MAP3K9: variants seen among roughly 807,000 people sequenced by gnomAD.
The protein encoded by MAP3K9 is mitogen-activated protein kinase kinase kinase 9.
A neutral mutation model predicts 95.8 loss-of-function variants in MAP3K9; 46 were observed. That is an observed-to-expected ratio of 0.48 (90% CI 0.38 to 0.61). MAP3K9 has a LOEUF of 0.61. Among genes scored for constraint, MAP3K9 ranks in the 20% least tolerant of loss-of-function variants. The pLI, the probability that MAP3K9 is intolerant of heterozygous loss-of-function variation, is 0.00. For missense variants in MAP3K9, 1,296 were observed against 1,474.3 expected, an observed-to-expected ratio of 0.88 and a Z score of 1.98; for synonymous variants, 533 against 593.8, an observed-to-expected ratio of 0.90 and a Z score of 1.49.
intron 2 of MAP3K9, among the ~76,000 whole-genome samples, chr14:70,772,463 GC>G (rs765572918): frequency 2.7e-4 from 41 of 152,114 alleles, no homozygotes; most frequent in Non-Finnish European, 5.0e-4. Flanking sequence ...CCCTTTCTAT[GC>G]CTATAACCTG....
intron 3 of MAP3K9, among the ~76,000 whole-genome samples, chr14:70,755,617 G>GCTTGTACA (rs2054288739): frequency 6.6e-6 from 1 of 152,222 alleles, no homozygotes; most frequent in Non-Finnish European, 1.5e-5. Context: ...TACAAGCATT[G>GCTTGTACA]CTGTATGTAC....
chr14:70,784,459 G>GA (rs1252607226), intron 2 of MAP3K9, among the ~76,000 whole-genome samples: 1 of 151,682 alleles, frequency 6.6e-6, no homozygotes, highest in African/African-American at 2.4e-5. Flanking sequence ...AAGCAAAGCT[G>GA]AAGCCGGGCA....
In MAP3K9 at chr14:70,808,999, G is replaced by A. The variant is rs778196126; in HGVS notation, c.173C>T (p.Thr58Met). 2.6e-6 allele frequency: 4 copies of A among 1,542,226 alleles called. No homozygotes were observed. Among genetic ancestry groups the A allele is most frequent in the Admixed American group, 3.8e-5 (2 of 52,962 alleles). The change falls in exon 1 of 12, where the codon ACG (threonine) becomes ATG (methionine). Residue 58 changes from threonine to methionine, a missense_variant. Coordinates refer to ENST00000554752, the MANE Select transcript of MAP3K9 (RefSeq NM_001284230.2). The part of the protein sequence containing the change: ...LGCDAPLPYW[T>M]AVFEYEAAGE... ...CGCCGCCTCGTACTCGAACACGGCC[G>A]TCCAGTAGGGCAGCGGCGCGTCGCA...
intron 2 of MAP3K9, 137 bp from the exon 3 acceptor site, chr14:70,761,319 G>T: frequency 1.4e-6 from 1 of 689,666 alleles, no homozygotes; most frequent in Non-Finnish European, 2.4e-6. Context: ...GATGGTCAGA[G>T]CCATCATTTC....
At chr14:70,759,271 C>G (rs1350066624) in intron 3 of MAP3K9, among the ~76,000 whole-genome samples, 1 of 151,994 alleles carries the variant, frequency 6.6e-6, no homozygotes, top group East Asian at 1.9e-4. Context: ...ATGGTGAAAT[C>G]CCGTCTCTAC....
At chr14:70,760,890 G>A in intron 3 of MAP3K9, 112 bp downstream of exon 3, 1 of 1,148,754 alleles carries the variant, frequency 8.7e-7, no homozygotes, top group Non-Finnish European at 1.3e-6. Flanking sequence ...AGGTCACTTA[G>A]ACCTACTTCA....
chr14:70,763,286 A>G (rs1315169550), intron 2 of MAP3K9, among the ~76,000 whole-genome samples: 1 of 152,230 alleles, frequency 6.6e-6, no homozygotes, highest in Non-Finnish European at 1.5e-5. Flanking sequence ...GTTTCAGTCA[A>G]TGACAGGCCA....
rs1437431266 is a variant in MAP3K9 at position 70,724,014 on chromosome 14, T to G, written c.*6366A>C. 1 of 152,226 alleles carries G rather than the reference T, an allele frequency of 6.6e-6. No homozygotes were observed. The highest frequency in any genetic ancestry group is 1.5e-5 in the Non-Finnish European group (1 of 68,054). The allele number at this position is 152,226 out of a possible 1,614,324, so 9.4% of individuals were successfully genotyped here. A position where few individuals can be genotyped will look rare whatever the true frequency, so the allele number is the denominator to read the frequency against. On this transcript the variant is annotated 3_prime_UTR_variant, in exon 12 of 12. Coordinates refer to ENST00000554752, the MANE Select transcript of MAP3K9 (RefSeq NM_001284230.2). ...GATGGGCCAAATTCTGAAGACTCAC[T>G]GTGCAGGCACAGAGCTAGGGAATGT...
Position 70,776,360 on chromosome 14 carries a change from T to C in MAP3K9, c.821-15178A>G, listed in dbSNP as rs1016115087. On this transcript the variant is annotated intron_variant, in intron 2 of 11. Transcript: ENST00000554752. ...GCACCATGGCTGAGACAGTAGCTTG[T>C]GGCTTGCGGGGAGGGTGTTGATGGG... Among the ~76,000 whole-genome samples the C allele has an allele frequency of 6.6e-5, 10 of 152,256 alleles. No individual in the cohort carries two copies. The South Asian group carries it at 2.1e-3, about 32-fold the overall frequency.
At chr14:70,749,818 G>T in intron 4 of MAP3K9, 115 bp downstream of exon 4, 5 of 1,278,724 alleles carry the variant, frequency 3.9e-6, no homozygotes, top group Non-Finnish European at 5.5e-6. Flanking sequence ...CTCCTTAGGT[G>T]ACTGAAACTT....
chr14:70,787,499 C>T (rs1193584749), intron 2 of MAP3K9, among the ~76,000 whole-genome samples: 1 of 130,112 alleles, frequency 7.7e-6, no homozygotes, highest in African/African-American at 2.9e-5. Context: ...CAGTACAAGA[C>T]TCTGTCTCAA....
intron 1 of MAP3K9, among the ~76,000 whole-genome samples, chr14:70,803,235 CT>C (rs1235146671): frequency 1.3e-5 from 2 of 149,970 alleles, no homozygotes; most frequent in South Asian, 4.3e-4. Flanking sequence ...GCCAGTTAAA[CT>C]TTTTTTCTTT....
chr14:70,735,467 G>A (rs1022777205), intron 9 of MAP3K9, among the ~76,000 whole-genome samples: 3 of 150,578 alleles, frequency 2.0e-5, no homozygotes, highest in Non-Finnish European at 2.9e-5. Flanking sequence ...CAACTTTTTC[G>A]CTGTTCAGAA....
At chr14:70,757,473 A>G (rs945523004) in intron 3 of MAP3K9, among the ~76,000 whole-genome samples, 21 of 141,126 alleles carry the variant, frequency 1.5e-4, no homozygotes, top group African/African-American at 2.9e-4. Context: ...AAAAAAAAAA[A>G]GGGTGTAAAT....
In MAP3K9 at chr14:70,808,998, C is replaced by A; in HGVS notation, c.174G>T (p.Thr58=). The part of the protein sequence containing the change: ...LGCDAPLPYW[T]AVFEYEAAGE... ...CCGCCGCCTCGTACTCGAACACGGC[C>A]GTCCAGTAGGGCAGCGGCGCGTCGC... The change falls in exon 1 of 12, where the codon ACG becomes ACT. Residue 58 remains threonine, a synonymous_variant. Transcript: ENST00000554752. The A allele has an allele frequency of 6.5e-7, 1 of 1,544,800 alleles. No homozygotes were observed. Among genetic ancestry groups the A allele is most frequent in the Non-Finnish European group, 8.7e-7 (1 of 1,152,152 alleles).
At chr14:70,732,229 C>T (rs2053914625) in intron 11 of MAP3K9, among the ~76,000 whole-genome samples, 1 of 152,152 alleles carries the variant, frequency 6.6e-6, no homozygotes, top group Non-Finnish European at 1.5e-5. Context: ...CCTTCCTGTG[C>T]CCTGAAAACA....
intron 2 of MAP3K9, among the ~76,000 whole-genome samples, chr14:70,781,306 T>C (rs903407524): frequency 6.6e-6 from 1 of 152,208 alleles, no homozygotes; most frequent in African/African-American, 2.4e-5. Flanking sequence ...GGCACTCCCA[T>C]CAGCAGTCCT....
chr14:70,793,426 C>T (rs1046598247), intron 2 of MAP3K9, among the ~76,000 whole-genome samples: 2 of 152,126 alleles, frequency 1.3e-5, no homozygotes, highest in Non-Finnish European at 2.9e-5. Context: ...GTGGCTCACG[C>T]CTGTAATTCC....
At chr14:70,765,283 T>A (rs375555681) in intron 2 of MAP3K9, among the ~76,000 whole-genome samples, 1 of 152,172 alleles carries the variant, frequency 6.6e-6, no homozygotes, top group Non-Finnish European at 1.5e-5. Context: ...TGAGCCACGA[T>A]TGCACCACTG....
Sources: gnomAD v4.1 joint callset for allele counts (sites outside exome capture counted in the v4.1 genomes callset) on GRCh38, gnomAD v4.1.1 for gene constraint, MANE v1.5 for transcripts, NCBI Gene and HGNC (gene_info 2026-07-23, HGNC 2026-07-21) for gene names.